The following LOC128092253 variants were observed in gnomAD, a reference collection of about 807,000 sequenced individuals.
At chr6:133,955,780 A>G in the LOC128092253 span, among the ~76,000 whole-genome samples, 4 of 152,216 alleles carry the variant, frequency 2.6e-5, no homozygotes, top group Non-Finnish European at 5.9e-5. Flanking sequence ...GATTTTCATG[A>G]TTCTTATTCT....
the LOC128092253 span, among the ~76,000 whole-genome samples, chr6:133,968,412 A>T: frequency 6.6e-6 from 1 of 152,216 alleles, no homozygotes; most frequent in Non-Finnish European, 1.5e-5. Context: ...TGAATTTCCA[A>T]ATGTAAGGTT....
the LOC128092253 span, among the ~76,000 whole-genome samples, chr6:133,961,574 T>TCTTCTG: frequency 2.6e-5 from 4 of 151,528 alleles, no homozygotes; most frequent in Non-Finnish European, 5.9e-5. Flanking sequence ...GTTCAAGCAT[T>TCTTCTG]CTTCTGCCTC....
At chr6:133,974,989 A>C in the LOC128092253 span, among the ~76,000 whole-genome samples, 1 of 152,202 alleles carries the variant, frequency 6.6e-6, no homozygotes, top group Admixed American at 6.5e-5. Context: ...AAATGTTTAT[A>C]CAAGAAAAGA....
chr6:133,974,004 CAAA>C, the LOC128092253 span, among the ~76,000 whole-genome samples: 1 of 124,606 alleles, frequency 8.0e-6, no homozygotes, highest in Admixed American at 8.1e-5. Flanking sequence ...CAGACTTTAC[CAAA>C]AAAAAAAAAA....
chr6:133,961,456 T>G, the LOC128092253 span, among the ~76,000 whole-genome samples: 1 of 142,868 alleles, frequency 7.0e-6, no homozygotes, highest in Non-Finnish European at 1.5e-5. Context: ...TTTTTAAGAT[T>G]CTTTCTTTCT....
chr6:133,963,893 TAGCC>T, the LOC128092253 span, among the ~76,000 whole-genome samples: 1 of 148,942 alleles, frequency 6.7e-6, no homozygotes, highest in Non-Finnish European at 1.5e-5. Context: ...AAAAAAAAAT[TAGCC>T]AGGCGTGGTG....
chr6:133,970,982 T>C, the LOC128092253 span, among the ~76,000 whole-genome samples: 1 of 152,188 alleles, frequency 6.6e-6, no homozygotes, highest in Non-Finnish European at 1.5e-5. Flanking sequence ...TATTTTATGA[T>C]ATACTTTACT....
chr6:133,976,467 A>G, the LOC128092253 span, among the ~76,000 whole-genome samples: 1 of 152,180 alleles, frequency 6.6e-6, no homozygotes, highest in Non-Finnish European at 1.5e-5. Flanking sequence ...GTCATAAACA[A>G]CTTGGAATAT....
At chr6:133,971,965 G>A in the LOC128092253 span, among the ~76,000 whole-genome samples, 7 of 152,010 alleles carry the variant, frequency 4.6e-5, no homozygotes, top group African/African-American at 1.4e-4. Context: ...TCTAATAATC[G>A]TTAAAAGGTA....
the LOC128092253 span, among the ~76,000 whole-genome samples, chr6:133,966,203 A>G: frequency 1.1e-4 from 16 of 152,280 alleles, no homozygotes; most frequent in Admixed American, 9.2e-4. Context: ...TTGAATGTGT[A>G]TGGCGCATTG....
At chr6:133,966,084 GAAAC>G in the LOC128092253 span, among the ~76,000 whole-genome samples, 2 of 152,140 alleles carry the variant, frequency 1.3e-5, no homozygotes, top group South Asian at 2.1e-4. Context: ...GAGACAGAAA[GAAAC>G]AGAGAGAGAG....
the LOC128092253 span, among the ~76,000 whole-genome samples, chr6:133,958,453 G>T: frequency 1.3e-5 from 2 of 152,156 alleles, no homozygotes; most frequent in African/African-American, 4.8e-5. Flanking sequence ...AATTCAGGTG[G>T]CTCAAGAATG....
the LOC128092253 span, among the ~76,000 whole-genome samples, chr6:133,962,356 T>C: frequency 6.6e-6 from 1 of 152,322 alleles, no homozygotes; most frequent in South Asian, 2.1e-4. Context: ...TAGAAGCCTG[T>C]AGCCATAATG....
the LOC128092253 span, among the ~76,000 whole-genome samples, chr6:133,971,636 TGA>T: frequency 6.6e-6 from 1 of 152,112 alleles, no homozygotes; most frequent in African/African-American, 2.4e-5. Flanking sequence ...CTACCTGGAG[TGA>T]GGTGGTATCT....
chr6:133,957,169 TAAA>T, the LOC128092253 span, among the ~76,000 whole-genome samples: 1 of 151,720 alleles, frequency 6.6e-6, no homozygotes, highest in Admixed American at 6.6e-5. Flanking sequence ...TAAATGTTTT[TAAA>T]AAAAAACTCA....
chr6:133,954,722 G>C, the LOC128092253 span, among the ~76,000 whole-genome samples: 1 of 152,164 alleles, frequency 6.6e-6, no homozygotes, highest in Non-Finnish European at 1.5e-5. Context: ...GCTTCTGTTT[G>C]TTCCCCACCC....
chr6:133,955,235 A>G, the LOC128092253 span, among the ~76,000 whole-genome samples: 1 of 145,640 alleles, frequency 6.9e-6, no homozygotes, highest in African/African-American at 2.5e-5. Flanking sequence ...ACCCAGATCT[A>G]GTTTGCCGTT....
At chr6:133,970,823 A>G in the LOC128092253 span, among the ~76,000 whole-genome samples, 2 of 151,836 alleles carry the variant, frequency 1.3e-5, no homozygotes, top group African/African-American at 4.8e-5. Context: ...CTGGTTTTTT[A>G]TTTTTTAATT....
At chr6:133,961,454 ATTCT>A in the LOC128092253 span, among the ~76,000 whole-genome samples, 1,918 of 140,690 alleles carry the variant, frequency 0.014, 45 homozygotes, top group Admixed American at 0.052. Context: ...TCTTTTTAAG[ATTCT>A]TTCTTTCTTT....
Sources: allele counts gnomAD v4.1 joint callset (sites outside exome capture counted in the v4.1 genomes callset), GRCh38; gene constraint gnomAD v4.1.1; transcripts MANE v1.5.